The following THEMIS variants were observed in gnomAD, a reference collection of about 807,000 sequenced individuals.
THEMIS encodes the protein protein THEMIS.
A neutral mutation model predicts 52.6 loss-of-function variants in THEMIS; 37 were observed. That is an observed-to-expected ratio of 0.70 (90% CI 0.54 to 0.93). THEMIS has a LOEUF of 0.93. THEMIS is among the 40% of genes least tolerant of loss of function. The pLI is 0.00. For synonymous variants in THEMIS, 292 were observed against 272.7 expected (o/e 1.07, Z -0.70); for missense variants, 808 against 763.1 (o/e 1.06, Z -0.69).
intron 4 of THEMIS, among the ~76,000 whole-genome samples, chr6:127,803,957 T>G (rs1777618993): frequency 6.6e-6 from 1 of 152,192 alleles, no homozygotes; most frequent in African/African-American, 2.4e-5. Context: ...TTACACATAT[T>G]TAAGCAGATT....
intron 4 of THEMIS, among the ~76,000 whole-genome samples, chr6:127,792,617 T>TC (rs1182381053): frequency 3.9e-5 from 6 of 152,178 alleles, no homozygotes; most frequent in Non-Finnish European, 8.8e-5. Flanking sequence ...TTTTAACCAT[T>TC]CCCTGAAAAA....
At chr6:127,847,790 G>A (rs1266583182) in intron 2 of THEMIS, among the ~76,000 whole-genome samples, 1 of 151,286 alleles carries the variant, frequency 6.6e-6, no homozygotes, top group Non-Finnish European at 1.5e-5. Flanking sequence ...ATTAGAAAAA[G>A]CAATCCTAAA....
At chr6:127,713,164 T>G (rs1774039345) in intron 5 of THEMIS, among the ~76,000 whole-genome samples, 1 of 151,904 alleles carries the variant, frequency 6.6e-6, no homozygotes, top group Admixed American at 6.6e-5. Flanking sequence ...TTACCCACCA[T>G]TAACTTCCCT....
intron 4 of THEMIS, among the ~76,000 whole-genome samples, chr6:127,790,393 G>C (rs1372825844): frequency 6.6e-6 from 1 of 152,086 alleles, no homozygotes; most frequent in Non-Finnish European, 1.5e-5. Context: ...TGATATACCT[G>C]ATCACAATTC....
intron 4 of THEMIS, among the ~76,000 whole-genome samples, chr6:127,729,541 T>G (rs1774682876): frequency 6.6e-6 from 1 of 152,160 alleles, no homozygotes; most frequent in Non-Finnish European, 1.5e-5. Flanking sequence ...TTCTTCTGTT[T>G]CTTACTGACT....
rs189751151 is a variant in THEMIS, at chr6:127,845,688, G to C, written c.250+9342C>G. On this transcript the variant is annotated intron_variant, in intron 2 of 5. Coordinates refer to ENST00000368248, the MANE Select transcript of THEMIS (RefSeq NM_001010923.3). ...ATCTCATTTTGAACTCATTATTGGGGAAAGGCTTTTCTCAGAGCACTTGCC... is the reference window on the plus strand; with the variant it reads ...ATCTCATTTTGAACTCATTATTGGGCAAAGGCTTTTCTCAGAGCACTTGCC... 4.1e-4 allele frequency among the ~76,000 whole-genome samples: 63 copies of C among 151,926 alleles called. No homozygotes were observed. In the East Asian group the frequency reaches 0.012, roughly 30 times the overall value.
chr6:127,819,869 T>C (rs1778275032), intron 3 of THEMIS, among the ~76,000 whole-genome samples: 1 of 152,108 alleles, frequency 6.6e-6, no homozygotes, highest in Admixed American at 6.6e-5. Context: ...GGAGAATAAA[T>C]GAAGGCAGAA....
chr6:127,807,956 C>T (rs1181178921), intron 4 of THEMIS, among the ~76,000 whole-genome samples: 1 of 152,200 alleles, frequency 6.6e-6, no homozygotes, highest in Non-Finnish European at 1.5e-5. Context: ...TGCTTTCCTT[C>T]TGCCTTTTTC....
At chr6:127,814,583 G>T (rs1043337847) in intron 3 of THEMIS, among the ~76,000 whole-genome samples, 2 of 152,062 alleles carry the variant, frequency 1.3e-5, no homozygotes, top group Admixed American at 6.6e-5. Flanking sequence ...TTCTCCACTG[G>T]TGTTATATTA....
chr6:127,808,240 T>C (rs1455560577), intron 4 of THEMIS, among the ~76,000 whole-genome samples: 1 of 152,202 alleles, frequency 6.6e-6, no homozygotes, highest in Non-Finnish European at 1.5e-5. Context: ...TTATAGACCC[T>C]TTCATCAGAA....
In THEMIS at chr6:127,719,716, CCTTT is replaced by C. The variant is rs757818377; in HGVS notation, c.1862_1865del (p.Glu621GlyfsTer9). On this transcript the variant is annotated frameshift_variant, in exon 5 of 6. Transcript: ENST00000368248. LOFTEE classifies it high-confidence loss of function. ...CTATTGCTGTGGCCCCACGGTTGCT[CCTTT>C]CTTTCTCTTCATCCACCAAATCATT... 6.9e-5 allele frequency: 112 copies of C among 1,611,988 alleles called. No individual in the cohort carries two copies. The highest frequency in any genetic ancestry group is 6.6e-4 in the Middle Eastern group (4 of 6,068).
chr6:127,791,252 G>A (rs997221755), intron 4 of THEMIS, among the ~76,000 whole-genome samples: 2 of 152,136 alleles, frequency 1.3e-5, no homozygotes, highest in Non-Finnish European at 2.9e-5. Context: ...GACCCACAGT[G>A]GTTAGCTCCT....
chr6:127,849,136 C>A (rs560744093), intron 2 of THEMIS, among the ~76,000 whole-genome samples: 26 of 152,102 alleles, frequency 1.7e-4, no homozygotes, highest in Admixed American at 2.6e-4. Flanking sequence ...TTTCAGCTTT[C>A]TACATATGGC....
At chr6:127,868,457 T>C in intron 1 of THEMIS, 1 of 985,390 alleles carries the variant, frequency 1.0e-6, no homozygotes, top group Non-Finnish European at 1.2e-6. Flanking sequence ...AAAGACACCT[T>C]CAAGATCAGC....
chr6:127,786,724 A>C (rs1368701783), intron 4 of THEMIS, among the ~76,000 whole-genome samples: 1 of 152,198 alleles, frequency 6.6e-6, no homozygotes, highest in Non-Finnish European at 1.5e-5. Flanking sequence ...TTTCAGCATA[A>C]AGGCAATGAC....
At chr6:127,756,809 C>A (rs1775842525) in intron 4 of THEMIS, among the ~76,000 whole-genome samples, 1 of 152,074 alleles carries the variant, frequency 6.6e-6, no homozygotes, top group Non-Finnish European at 1.5e-5. Context: ...AAAATGCTAC[C>A]ACAATTAATC....
At chr6:127,722,177 A>G (rs553053708) in intron 4 of THEMIS, among the ~76,000 whole-genome samples, 1 of 152,058 alleles carries the variant, frequency 6.6e-6, no homozygotes, top group Non-Finnish European at 1.5e-5. Context: ...CCCACAGTGG[A>G]GTCTCTTCTT....
chr6:127,820,821 T>A (rs1029144736), intron 3 of THEMIS, among the ~76,000 whole-genome samples: 19 of 152,090 alleles, frequency 1.2e-4, no homozygotes, highest in African/African-American at 2.6e-4. Context: ...TTGATTTTTT[T>A]ATATGTTTTA....
At chr6:127,750,744 C>T (rs1775613314) in intron 4 of THEMIS, among the ~76,000 whole-genome samples, 1 of 151,670 alleles carries the variant, frequency 6.6e-6, no homozygotes. Flanking sequence ...AGAGAAAATC[C>T]TTGTGACATA....
Sources: allele counts gnomAD v4.1 joint callset (sites outside exome capture counted in the v4.1 genomes callset), GRCh38; gene constraint gnomAD v4.1.1; transcripts MANE v1.5; gene names NCBI Gene and HGNC (gene_info 2026-07-23, HGNC 2026-07-21).